EDEM1: variants seen among roughly 807,000 people sequenced by gnomAD.
EDEM1 encodes the protein ER degradation enhancing alpha-mannosidase like protein 1.
In EDEM1, 67 loss-of-function variants were observed where a neutral mutation model predicts 74.4. That is an observed-to-expected ratio of 0.90 (90% CI 0.74 to 1.10). The LOEUF (loss-of-function observed/expected upper bound fraction) is 1.10. Ranked by LOEUF, EDEM1 falls within the 50% of genes least tolerant of loss-of-function variation. The probability of loss-of-function intolerance (pLI) is 0.00; values close to 1 mark genes in which losing one functional copy is unlikely to be tolerated. For synonymous variants in EDEM1, 382 were observed against 335.9 expected (o/e 1.14, Z -1.50); for missense variants, 926 against 851.6 (o/e 1.09, Z -1.09).
Position 5,187,915 on chromosome 3 carries a change from T to A in EDEM1, c.110T>A (p.Phe37Tyr). Reference sequence around the variant, plus strand: ...CCCAGCATGGGCTTCTACCAGCGCTTTCCGCTCAGCTTCGGCTTCCAGCGT... The same window carrying A: ...CCCAGCATGGGCTTCTACCAGCGCTATCCGCTCAGCTTCGGCTTCCAGCGT... Reference protein sequence around the residue: ...LGPSMGFYQRFPLSFGFQRLR... With the variant: ...LGPSMGFYQRYPLSFGFQRLR... The change falls in exon 1 of 12, where the codon TTT becomes TAT. Residue 37 changes from phenylalanine to tyrosine, a missense_variant. Transcript: ENST00000256497. 6.3e-7 allele frequency: 1 copy of A among 1,596,978 alleles called. No homozygotes were observed. Among genetic ancestry groups the A allele is most frequent in the Non-Finnish European group, 8.5e-7 (1 of 1,174,234 alleles).
At position 5,211,152 on chromosome 3, in the gene EDEM1, A is replaced by T; in HGVS notation, c.1616A>T (p.Asp539Val). 1 of 1,614,236 alleles carries T rather than the reference A, an allele frequency of 6.2e-7. No homozygotes were observed. Among genetic ancestry groups the T allele is most frequent in the South Asian group, 1.1e-5 (1 of 91,088 alleles). ...TACGCCACGCTGCATCACGTCATTG[A>T]CAAGTCCACAGAAGACCGGATGGAG... is the stretch of plus-strand genomic sequence containing the variant. ...CGYATLHHVIDKSTEDRMESF... is the reference protein window; with the variant it reads ...CGYATLHHVIVKSTEDRMESF... Residue 539 changes from aspartate (D) to valine (V), a missense_variant, in exon 10 of 12, where the codon GAC becomes GTC. Physicochemically the swap from Asp to Val is radical, Grantham distance 152. Transcript: ENST00000256497.
Position 5,207,155 on chromosome 3 carries a change from G to A in EDEM1, c.1220G>A (p.Arg407Gln), listed in dbSNP as rs1443400026. ...QSIQNYLRRG[R>Q]EACNEGEGDP... is the part of the protein sequence containing the mutation. ...GAATGTGCTGCTTGGGTTTGCAGGC[G>A]GGAAGCCTGCAATGAAGGAGAAGGA... The change falls in exon 7 of 12, where the codon CGG becomes CAG. Residue 407 changes from arginine (R) to glutamine (Q), a missense_variant and splice_region_variant. Arg to Gln is a conservative substitution (Grantham distance 43). Transcript: ENST00000256497. The A allele has an allele frequency of 5.6e-6, 9 of 1,613,772 alleles. No homozygotes were observed. Among genetic ancestry groups the A allele is most frequent in the Middle Eastern group, 1.6e-4 (1 of 6,082 alleles).
chr3:5,205,333 G>A, intron 6 of EDEM1, 92 bp downstream of exon 6: 1 of 1,334,096 alleles, frequency 7.5e-7, no homozygotes, highest in Non-Finnish European at 1.0e-6. Context: ...CAATCACAGG[G>A]TCTGTTTATC....
chr3:5,210,229 GA>G lies in EDEM1; in HGVS notation c.1568del (p.Lys523SerfsTer98). The part of the protein sequence containing the change: ...HVGMDILQSL[E>X]KYTKVKCGYA... Reference sequence around the variant, plus strand: ...AGGAATGGATATTCTGCAGAGTCTGGAAAAGTACACAAAAGTCAAGTCAGTT... The same window carrying G: ...AGGAATGGATATTCTGCAGAGTCTGGAAAGTACACAAAAGTCAAGTCAGTT... On this transcript the variant is annotated frameshift_variant, in exon 9 of 12. Transcript: ENST00000256497. LOFTEE classifies it high-confidence loss of function. 1.2e-6 allele frequency: 2 copies of G among 1,614,198 alleles called. No individual in the cohort carries two copies. Among genetic ancestry groups the G allele is most frequent in the Non-Finnish European group, 1.7e-6 (2 of 1,180,018 alleles).
chr3:5,198,724 G>A (rs1335157198), intron 2 of EDEM1, among the ~76,000 whole-genome samples: 1 of 147,272 alleles, frequency 6.8e-6, no homozygotes, highest in Non-Finnish European at 1.5e-5. Context: ...AAAATGGGAG[G>A]CAGGTTTGCC....
At chr3:5,208,743 TTGTG>T (rs537035240) in intron 8 of EDEM1, among the ~76,000 whole-genome samples, 70 of 149,434 alleles carry the variant, frequency 4.7e-4, no homozygotes, top group African/African-American at 9.8e-4. Context: ...ATGTTTGTGT[TTGTG>T]TGTGTGTGTG....
Position 5,216,025 on chromosome 3 carries a change from G to C in EDEM1, c.*107G>C. On this transcript the variant is annotated 3_prime_UTR_variant, in exon 12 of 12. Coordinates refer to ENST00000256497, the MANE Select transcript of EDEM1 (RefSeq NM_014674.3). ...GGGGACAGAAGTCTTGCTGTCCATG[G>C]TGGTGTAGGAATTTCTGTGCAACAC... The C allele has an allele frequency of 1.1e-6, 1 of 902,142 alleles. No homozygotes were observed. The highest frequency in any genetic ancestry group is 1.7e-6 in the Non-Finnish European group (1 of 580,882). The allele number at this position is 902,142 out of a possible 1,614,324, so 55.9% of individuals were successfully genotyped here. A position where few individuals can be genotyped will look rare whatever the true frequency, so the allele number is the denominator to read the frequency against.
At chr3:5,210,694 C>CT (rs961084958) in intron 9 of EDEM1, among the ~76,000 whole-genome samples, 3 of 150,088 alleles carry the variant, frequency 2.0e-5, no homozygotes, top group Non-Finnish European at 4.4e-5. Flanking sequence ...TTGTGACATG[C>CT]TTTTTTTTAC....
At chr3:5,191,384 C>T (rs1000078715) in intron 1 of EDEM1, among the ~76,000 whole-genome samples, 5 of 151,686 alleles carry the variant, frequency 3.3e-5, no homozygotes, top group African/African-American at 7.3e-5. Context: ...CCACCATGCT[C>T]GGCTAATTTT....
At chr3:5,214,762 A>G (rs748259860) in intron 11 of EDEM1, among the ~76,000 whole-genome samples, 5 of 152,110 alleles carry the variant, frequency 3.3e-5, no homozygotes, top group Non-Finnish European at 5.9e-5. Context: ...CTCTTTTAGG[A>G]AGGAGACATC....
chr3:5,203,225 C>T, intron 5 of EDEM1, 76 bp downstream of exon 5: 2 of 1,396,862 alleles, frequency 1.4e-6, no homozygotes, highest in Non-Finnish European at 1.9e-6. Flanking sequence ...TGGGCTCTGC[C>T]CCCTTTTTAC....
chr3:5,201,962 C>G, intron 4 of EDEM1, 38 bp downstream of exon 4: 1 of 1,572,340 alleles, frequency 6.4e-7, no homozygotes, highest in African/African-American at 1.4e-5. Flanking sequence ...TTTGACAATT[C>G]ACTATCTTCC....
At chr3:5,204,713 C>G (rs534651408) in intron 5 of EDEM1, among the ~76,000 whole-genome samples, 1 of 152,090 alleles carries the variant, frequency 6.6e-6, no homozygotes, top group Admixed American at 6.6e-5. Flanking sequence ...TTAAAATCAT[C>G]TTTTTTTGGA....
Position 5,215,908 on chromosome 3 carries a change from G to A in EDEM1, c.1964G>A (p.Gly655Asp). The A allele has an allele frequency of 1.2e-6, 2 of 1,612,576 alleles. No homozygotes were observed. Among genetic ancestry groups the A allele is most frequent in the Non-Finnish European group, 1.7e-6 (2 of 1,179,416 alleles). The change falls in exon 12 of 12, where the codon GGT becomes GAT. Residue 655 changes from glycine to aspartate, a missense_variant. Transcript: ENST00000256497. ...IYMRQIDQMV[G>D]LI Reference sequence around the variant, plus strand: ...ATGCGACAGATTGACCAGATGGTTGGTTTGATTTGATCTGCTCTCTGTGAG... The same window carrying A: ...ATGCGACAGATTGACCAGATGGTTGATTTGATTTGATCTGCTCTCTGTGAG...
intron 11 of EDEM1, among the ~76,000 whole-genome samples, chr3:5,214,720 T>G (rs2106612564): frequency 1.3e-5 from 2 of 152,292 alleles, no homozygotes; most frequent in Admixed American, 1.3e-4. Context: ...GGTCCCACAG[T>G]GGAGCCAGGA....
At chr3:5,211,593 A>C (rs949864424) in intron 10 of EDEM1, among the ~76,000 whole-genome samples, 9 of 152,148 alleles carry the variant, frequency 5.9e-5, no homozygotes, top group Non-Finnish European at 8.8e-5. Flanking sequence ...ATCTTAGCCA[A>C]GACCTGCAGC....
intron 11 of EDEM1, among the ~76,000 whole-genome samples, chr3:5,214,848 C>T (rs769829655): frequency 2.0e-5 from 3 of 152,156 alleles, no homozygotes; most frequent in Non-Finnish European, 4.4e-5. Context: ...CAGAAGGGCT[C>T]CCGGTTCTGG....
In EDEM1 at chr3:5,210,162, G is replaced by A. The variant is rs372929013; in HGVS notation, c.1510-13G>A. On this transcript the variant is annotated splice_polypyrimidine_tract_variant and intron_variant, in intron 8 of 11. Transcript: ENST00000256497. Reference sequence around the variant, plus strand: ...AGCCCATGCTGGATCACATTCTCTCGTGTTCTCTCTAGGCAACCAAGAATC... The same window carrying A: ...AGCCCATGCTGGATCACATTCTCTCATGTTCTCTCTAGGCAACCAAGAATC... 41 of 1,612,320 alleles carry A rather than the reference G, an allele frequency of 2.5e-5. No homozygotes were observed. Among genetic ancestry groups the A allele is most frequent in the Non-Finnish European group, 3.4e-5 (40 of 1,178,480 alleles).
intron 7 of EDEM1, 117 bp from the exon 8 acceptor site, chr3:5,207,976 T>C: frequency 7.9e-7 from 1 of 1,266,098 alleles, no homozygotes; most frequent in Non-Finnish European, 1.1e-6. Context: ...TCTTTAACCG[T>C]ATGTGTAGGT....
Sources: allele counts gnomAD v4.1 joint callset (sites outside exome capture counted in the v4.1 genomes callset), GRCh38; gene constraint gnomAD v4.1.1; transcripts MANE v1.5; gene names NCBI Gene and HGNC (gene_info 2026-07-23, HGNC 2026-07-21).